Variants in SEMA7A observed in about 807,000 individuals in gnomAD.
SEMA7A encodes semaphorin-7A.
Under a neutral mutation model 67.5 loss-of-function variants are expected in SEMA7A, and 21 were observed. The ratio of observed to expected loss-of-function variants is 0.31; its 90% CI spans 0.22 to 0.45. SEMA7A has a LOEUF of 0.45. Ranked by LOEUF, SEMA7A falls within the 20% of genes least tolerant of loss-of-function variation. SEMA7A has a pLI of 1.00. For synonymous variants in SEMA7A, 364 were observed against 368.5 expected, an observed-to-expected ratio of 0.99 and a Z score of 0.14; for missense variants, 774 against 908.6, an observed-to-expected ratio of 0.85 and a Z score of 1.90.
intron 2 of SEMA7A, 93 bp downstream of exon 2, chr15:74,418,708 A>C: frequency 6.9e-7 from 1 of 1,439,514 alleles, no homozygotes; most frequent in Non-Finnish European, 9.4e-7. Flanking sequence ...TTAGGAAGAG[A>C]AGCCAGCTCC....
Position 74,414,872 on chromosome 15 carries a change from T to C in SEMA7A, c.1061A>G (p.Tyr354Cys), listed in dbSNP as rs892253010. The C allele has an allele frequency of 3.1e-6, 5 of 1,614,040 alleles. No homozygotes were observed. The highest frequency in any genetic ancestry group is 8.5e-7 in the Non-Finnish European group (1 of 1,180,038). ...CCGCGGGTTGGGAAGGCTTGAGTGG[T>C]AGCCCTTGAGTGAGGAGGTACGGAA... ...KVFRTSSLKGYHSSLPNPRPG... is the reference protein window; with the variant it reads ...KVFRTSSLKGCHSSLPNPRPG... Residue 354 changes from tyrosine (Y) to cysteine (C), a missense_variant, in exon 9 of 14, where the codon TAC (tyrosine) becomes TGC (cysteine). Physicochemically the swap from Tyr to Cys is radical, Grantham distance 194. Coordinates refer to ENST00000261918, the MANE Select transcript of SEMA7A (RefSeq NM_003612.5). The surrounding 1 kb of genome is among the most constrained non-coding windows in gnomAD (Gnocchi z 4.1).
At chr15:74,424,074 A>G (rs1464880609) in intron 1 of SEMA7A, among the ~76,000 whole-genome samples, 1 of 152,164 alleles carries the variant, frequency 6.6e-6, no homozygotes, top group Non-Finnish European at 1.5e-5. Flanking sequence ...GTGCTGGGCC[A>G]AAGGGGAGCA....
At chr15:74,416,255 C>G (rs1158487653) in intron 7 of SEMA7A, among the ~76,000 whole-genome samples, 1 of 152,036 alleles carries the variant, frequency 6.6e-6, no homozygotes, top group African/African-American at 2.4e-5. Context: ...AGCAGACGGA[C>G]TCAGACACAC....
At position 74,417,363 on chromosome 15, in the gene SEMA7A, C is replaced by T. The variant is rs375749674; in HGVS notation, c.633G>A (p.Glu211=). The change falls in exon 6 of 14, where the codon GAG becomes GAA. Residue 211 remains glutamate (E), a synonymous_variant. Coordinates refer to ENST00000261918, the MANE Select transcript of SEMA7A (RefSeq NM_003612.5). ...GCATGACAGTATCACTGGTGTACAG[C>T]TCACTCTCGCCCCGGATGCGGCGGA... ...PRFRRIRGES[E]LYTSDTVMQN... The T allele has an allele frequency of 1.9e-6, 3 of 1,613,896 alleles. No individual in the cohort carries two copies. The highest frequency in any genetic ancestry group is 2.5e-6 in the Non-Finnish European group (3 of 1,180,014).
chr15:74,426,172 G>T (rs1791902262), intron 1 of SEMA7A, among the ~76,000 whole-genome samples: 1 of 152,208 alleles, frequency 6.6e-6, no homozygotes, highest in Non-Finnish European at 1.5e-5. Context: ...CTACTTGGGA[G>T]GCTGAGACAG....
At chr15:74,432,704 C>A (rs1389489688) in intron 1 of SEMA7A, among the ~76,000 whole-genome samples, 1 of 152,138 alleles carries the variant, frequency 6.6e-6, no homozygotes, top group Non-Finnish European at 1.5e-5. Flanking sequence ...GGGGCCAGAC[C>A]CGACCAGTTC....
intron 10 of SEMA7A, among the ~76,000 whole-genome samples, chr15:74,412,476 TC>T (rs2060910239): frequency 6.6e-6 from 1 of 152,182 alleles, no homozygotes; most frequent in African/African-American, 2.4e-5. Context: ...GGAACCCAAA[TC>T]TGTCAGAGCC....
intron 1 of SEMA7A, among the ~76,000 whole-genome samples, chr15:74,421,568 G>A (rs569743128): frequency 5.9e-5 from 9 of 152,292 alleles, no homozygotes; most frequent in East Asian, 1.9e-4. Context: ...TTGGTGATGC[G>A]TATGGACTAG....
At position 74,423,994 on chromosome 15, in the gene SEMA7A, G is replaced by C. The variant is rs575630791; in HGVS notation, c.179-5042C>G. Among the ~76,000 whole-genome samples the C allele has an allele frequency of 2.6e-5, 4 of 152,064 alleles. No individual in the cohort carries two copies. The highest frequency in any genetic ancestry group is 9.7e-5 in the African/African-American group (4 of 41,400). Reference sequence around the variant, plus strand: ...GTGCTGGGGCAGGTGGTGGGGCCTCGAGACAGCACTCAGCTCATGGAGGAC... The same window carrying C: ...GTGCTGGGGCAGGTGGTGGGGCCTCCAGACAGCACTCAGCTCATGGAGGAC... On this transcript the variant is annotated intron_variant, in intron 1 of 13. Coordinates refer to ENST00000261918, the MANE Select transcript of SEMA7A (RefSeq NM_003612.5). The surrounding 1 kb of genome is among the most constrained non-coding windows in gnomAD (Gnocchi z 4.1).
chr15:74,411,867 C>T lies in SEMA7A; in HGVS notation c.1422+18G>A, dbSNP rs377034272. On this transcript the variant is annotated intron_variant, in intron 11 of 13. Transcript: ENST00000261918. The surrounding 1 kb of genome is among the most constrained non-coding windows in gnomAD (Gnocchi z 4.4). ...CAGTCACTGCATAGCCCATGGGACGCAGTGGGGGAAGGCTCACCCGCTCAG... is the reference window on the plus strand; with the variant it reads ...CAGTCACTGCATAGCCCATGGGACGTAGTGGGGGAAGGCTCACCCGCTCAG... 18 of 1,613,208 alleles carry T rather than the reference C, an allele frequency of 1.1e-5. No individual in the cohort carries two copies. The highest frequency in any genetic ancestry group is 2.2e-5 in the East Asian group (1 of 44,886).
rs369665232 is a variant in SEMA7A at position 74,411,011 on chromosome 15, G to A, written c.1640-26C>T. Reference sequence around the variant, plus strand: ...CTGGGGAGGCAGTGGGGAAGCAGCCGTGAGGAGGGACAAAGAGCTCCCAGG... The same window carrying A: ...CTGGGGAGGCAGTGGGGAAGCAGCCATGAGGAGGGACAAAGAGCTCCCAGG... On this transcript the variant is annotated intron_variant, in intron 13 of 13. Transcript: ENST00000261918. The surrounding 1 kb of genome is among the most constrained non-coding windows in gnomAD (Gnocchi z 4.4). 90 of 1,598,352 alleles carry A rather than the reference G, an allele frequency of 5.6e-5. 1 individual carries two copies. Among genetic ancestry groups the A allele is most frequent in the South Asian group, 4.0e-4 (36 of 89,234 alleles).
rs2060974498 is a variant in SEMA7A, at chr15:74,418,768, TAGGGGGGGTGTTGGGGGAAG to T, written c.330+13_330+32del. 8 of 1,602,314 alleles carry T rather than the reference TAGGGGGGGTGTTGGGGGAAG, an allele frequency of 5.0e-6. No homozygotes were observed. The highest frequency in any genetic ancestry group is 6.0e-6 in the Non-Finnish European group (7 of 1,173,856). ...CAGGGCCAGAGGGGAGATAAGAGGGTAGGGGGGGTGTTGGGGGAAGAGAGAGGCTCACCGTGCGCACAGAT... is the reference window on the plus strand; with the variant it reads ...CAGGGCCAGAGGGGAGATAAGAGGGTAGAGAGGCTCACCGTGCGCACAGAT... On this transcript the variant is annotated intron_variant, in intron 2 of 13. Coordinates refer to ENST00000261918, the MANE Select transcript of SEMA7A (RefSeq NM_003612.5).
Position 74,410,973 on chromosome 15 carries a change from A to G in SEMA7A, c.1652T>C (p.Leu551Pro), listed in dbSNP as rs1207573105. The change falls in exon 14 of 14, where the codon CTG (leucine) becomes CCG (proline). Residue 551 changes from leucine (L) to proline (P), a missense_variant. By Grantham distance (98) the Leu-to-Pro change is moderately conservative (BLOSUM62 -3). Transcript: ENST00000261918. This position sits in a 1 kb window ranked among gnomAD's most constrained non-coding sequence, Gnocchi z 7.5. ...CPNPKPDKAP[L>P]QKVSLAPNSR... Reference sequence around the variant, plus strand: ...GTTTGGGGCCAGGGAAACCTTCTGCAGTGGGGCCTTGTCTGGGGAGGCAGT... The same window carrying G: ...GTTTGGGGCCAGGGAAACCTTCTGCGGTGGGGCCTTGTCTGGGGAGGCAGT... 2 of 1,612,698 alleles carry G rather than the reference A, an allele frequency of 1.2e-6. No individual in the cohort carries two copies. Among genetic ancestry groups the G allele is most frequent in the Admixed American group, 1.7e-5 (1 of 60,006 alleles).
At position 74,417,424 on chromosome 15, in the gene SEMA7A, A is replaced by T. The variant is rs747422698; in HGVS notation, c.572T>A (p.Ile191Asn). Residue 191 changes from isoleucine (I) to asparagine (N), a missense_variant, in exon 6 of 14, where the codon ATC becomes AAC. Transcript: ENST00000261918. ...CTTCCCATTGTATTCCTGCTTCCGG[A>T]TGGTGGAATACACCTCGTCCCCTGG... ...LFEGDEVYST[I>N]RKQEYNGKIP... 1 of 1,613,914 alleles carries T rather than the reference A, an allele frequency of 6.2e-7. No individual in the cohort carries two copies. Among genetic ancestry groups the T allele is most frequent in the African/African-American group, 1.3e-5 (1 of 75,032 alleles).
At chr15:74,422,717 C>T (rs1182891011) in intron 1 of SEMA7A, among the ~76,000 whole-genome samples, 1 of 152,244 alleles carries the variant, frequency 6.6e-6, no homozygotes, top group Non-Finnish European at 1.5e-5. Context: ...AGAATGGGGC[C>T]TGACTCCTTA....
intron 1 of SEMA7A, among the ~76,000 whole-genome samples, chr15:74,419,753 A>G (rs2060984451): frequency 6.6e-6 from 1 of 152,136 alleles, no homozygotes; most frequent in South Asian, 2.1e-4. Flanking sequence ...CGGGGGGTGA[A>G]GATCGGCTCT....
At chr15:74,433,661 C>G (rs1172481965) in intron 1 of SEMA7A, 80 bp downstream of exon 1, 1 of 1,328,414 alleles carries the variant, frequency 7.5e-7, no homozygotes, top group Non-Finnish European at 9.6e-7. Flanking sequence ...CGCACGCACT[C>G]CCTCCGGGTG....
chr15:74,429,617 G>C (rs1466000677), intron 1 of SEMA7A, among the ~76,000 whole-genome samples: 1 of 152,224 alleles, frequency 6.6e-6, no homozygotes, highest in Non-Finnish European at 1.5e-5. Flanking sequence ...CAGCACTCGA[G>C]AGGCCTTCCC....
rs779220045 is a variant in SEMA7A at position 74,418,861 on chromosome 15, T to G, written c.270A>C (p.Gly90=). The change falls in exon 2 of 14, where the codon GGA becomes GGC. Residue 90 remains glycine (G), a synonymous_variant. Coordinates refer to ENST00000261918, the MANE Select transcript of SEMA7A (RefSeq NM_003612.5). The stretch of plus-strand genomic sequence containing the variant: ...CAAAGAGGTAGACCTTGCCACGTCC[T>G]CCCACCCACACAGAGGAGCTGCCTG... The part of the protein sequence containing the change: ...HEPGSSSVWV[G]GRGKVYLFDF... 6.2e-7 allele frequency: 1 copy of G among 1,613,870 alleles called. No individual in the cohort carries two copies. The highest frequency in any genetic ancestry group is 8.5e-7 in the Non-Finnish European group (1 of 1,180,012).
Sources: gnomAD v4.1 joint callset for allele counts (sites outside exome capture counted in the v4.1 genomes callset) on GRCh38, gnomAD v4.1.1 for gene constraint, Gnocchi (gnomAD v3.1) non-coding constraint, MANE v1.5 for transcripts, NCBI Gene and HGNC (gene_info 2026-07-23, HGNC 2026-07-21) for gene names.